The following ABCC4 variants were observed in gnomAD, a reference collection of about 807,000 sequenced individuals.
ABCC4 encodes ATP-binding cassette sub-family C member 4.
ABCC4 carries 102 observed loss-of-function variants against 168.5 expected under a neutral mutation model. The ratio of observed to expected loss-of-function variants is 0.61; its 90% CI spans 0.52 to 0.71. ABCC4 has a LOEUF of 0.71. Ranked by LOEUF, ABCC4 falls within the 30% of genes least tolerant of loss-of-function variation. The pLI, the probability that ABCC4 is intolerant of heterozygous loss-of-function variation, is 0.00. For missense variants in ABCC4, 1,402 were observed against 1,605.8 expected (o/e 0.87, Z 2.17); for synonymous variants, 617 against 590.7 (o/e 1.04, Z -0.65).
chr13:95,207,946 G>T, intron 6 of ABCC4, 21 bp from the exon 7 acceptor site: 1 of 1,609,896 alleles, frequency 6.2e-7, no homozygotes, highest in Non-Finnish European at 8.5e-7. Flanking sequence ...CCAGACACGG[G>T]AGATGAGCCT....
intron 25 of ABCC4, among the ~76,000 whole-genome samples, chr13:95,069,999 T>C (rs895367396): frequency 3.3e-4 from 51 of 152,252 alleles, no homozygotes; most frequent in African/African-American, 1.2e-3. Flanking sequence ...CAGGCATGAT[T>C]TGGGAGGTTA....
At chr13:95,223,886 T>G (rs1333708812) in intron 4 of ABCC4, among the ~76,000 whole-genome samples, 1 of 152,138 alleles carries the variant, frequency 6.6e-6, no homozygotes, top group Non-Finnish European at 1.5e-5. Context: ...AATCACTGGC[T>G]GGTCTTATCA....
intron 19 of ABCC4, among the ~76,000 whole-genome samples, chr13:95,155,908 A>G (rs1390685360): frequency 2.6e-5 from 4 of 152,118 alleles, no homozygotes; most frequent in Admixed American, 6.5e-5. Flanking sequence ...TCTCCAAAAC[A>G]AAGAGTGAAA....
At chr13:95,270,119 C>T (rs1001196472) in intron 1 of ABCC4, among the ~76,000 whole-genome samples, 9 of 151,992 alleles carry the variant, frequency 5.9e-5, no homozygotes, top group Admixed American at 3.9e-4. Context: ...AGCTCTTCAA[C>T]GTTGGGCATT....
chr13:95,294,961 T>TA (rs1473529851), intron 1 of ABCC4, among the ~76,000 whole-genome samples: 1 of 151,876 alleles, frequency 6.6e-6, no homozygotes, highest in East Asian at 1.9e-4. Flanking sequence ...TCTCAAAAAT[T>TA]AAAAAATTAA....
chr13:95,055,487 C>T (rs2033017991), intron 26 of ABCC4: 1 of 152,182 alleles, frequency 6.6e-6, no homozygotes, highest in Admixed American at 6.6e-5. Flanking sequence ...CAGATCAAAC[C>T]TGTTTTTCAT....
At position 95,071,716 on chromosome 13, in the gene ABCC4, T is replaced by C; in HGVS notation, c.3156A>G (p.Pro1052=). The change falls in exon 25 of 31, where the codon CCA becomes CCG. Residue 1052 remains proline (P), a synonymous_variant. Transcript: ENST00000645237. ...GATGCTTCAGTACCAGAGGCCCACC[T>C]GGACTGTACATGAAGTTCACATTGT... ...IFDNVNFMYS[P]GGPLVLKHLT... 6.3e-7 allele frequency: 1 copy of C among 1,583,344 alleles called. No individual in the cohort carries two copies. Among genetic ancestry groups the C allele is most frequent in the Admixed American group, 1.8e-5 (1 of 54,980 alleles).
chr13:95,095,204 T>C (rs976185166), intron 20 of ABCC4, among the ~76,000 whole-genome samples: 1 of 152,232 alleles, frequency 6.6e-6, no homozygotes, highest in Non-Finnish European at 1.5e-5. Flanking sequence ...CACATGTTTA[T>C]AGCAGCACGA....
At chr13:95,244,669 G>GAAATAAATAAATAAAT (rs751318994) in intron 3 of ABCC4, among the ~76,000 whole-genome samples, 1 of 68,008 alleles carries the variant, frequency 1.5e-5, no homozygotes, top group African/African-American at 7.6e-5. Context: ...AAGAAAGAAA[G>GAAATAAATAAATAAAT]AAATCATAGC....
At chr13:95,093,322 A>G (rs1248554887) in intron 20 of ABCC4, among the ~76,000 whole-genome samples, 10 of 152,288 alleles carry the variant, frequency 6.6e-5, no homozygotes, top group Non-Finnish European at 1.5e-5. Flanking sequence ...ATCCAACAAC[A>G]TATCAAAAAG....
intron 1 of ABCC4, among the ~76,000 whole-genome samples, chr13:95,248,334 G>A (rs574230872): frequency 2.6e-5 from 4 of 152,238 alleles, no homozygotes; most frequent in East Asian, 1.9e-4. Flanking sequence ...AGAATGATGA[G>A]GTTAGAAAAC....
intron 1 of ABCC4, among the ~76,000 whole-genome samples, chr13:95,251,667 G>A: frequency 6.6e-6 from 1 of 152,182 alleles, no homozygotes. Flanking sequence ...AGGTAAGCGA[G>A]AAGGCAGGTT....
At chr13:95,028,319 C>T (rs1566354352) in intron 30 of ABCC4, among the ~76,000 whole-genome samples, 2 of 152,114 alleles carry the variant, frequency 1.3e-5, no homozygotes, top group African/African-American at 4.8e-5. Flanking sequence ...ATACCTTAAA[C>T]AGATAACACC....
intron 26 of ABCC4, among the ~76,000 whole-genome samples, chr13:95,061,096 A>C (rs925107094): frequency 9.8e-5 from 15 of 152,292 alleles, no homozygotes; most frequent in African/African-American, 3.6e-4. Context: ...TTTAAAGCTG[A>C]ATAATTTCCC....
At chr13:95,245,959 G>A (rs370090660) in intron 3 of ABCC4, among the ~76,000 whole-genome samples, 3 of 139,294 alleles carry the variant, frequency 2.2e-5, no homozygotes, top group East Asian at 2.1e-4. Context: ...TGTAACAACA[G>A]CAACATCCAC....
At chr13:95,202,282 A>G (rs2038648436) in intron 8 of ABCC4, among the ~76,000 whole-genome samples, 1 of 152,216 alleles carries the variant, frequency 6.6e-6, no homozygotes, top group African/African-American at 2.4e-5. Flanking sequence ...TGCAGATTGC[A>G]GACTTACGTC....
chr13:95,297,065 G>A (rs2041552871), intron 1 of ABCC4, among the ~76,000 whole-genome samples: 1 of 151,840 alleles, frequency 6.6e-6, no homozygotes, highest in South Asian at 2.1e-4. Context: ...GAGGTCAGGA[G>A]TTCGAGACCA....
intron 19 of ABCC4, among the ~76,000 whole-genome samples, chr13:95,135,399 T>C (rs2036113809): frequency 1.3e-5 from 2 of 151,664 alleles, no homozygotes; most frequent in Non-Finnish European, 2.9e-5. Context: ...AGGTAAAATA[T>C]AATAATGTCC....
intron 26 of ABCC4, among the ~76,000 whole-genome samples, chr13:95,058,480 A>G (rs1348594999): frequency 1.3e-5 from 2 of 148,492 alleles, no homozygotes; most frequent in African/African-American, 5.0e-5. Context: ...GAGGCAGGAG[A>G]ATCGCTTGAA....
Sources: gnomAD v4.1 joint callset for allele counts (sites outside exome capture counted in the v4.1 genomes callset) on GRCh38, gnomAD v4.1.1 for gene constraint, MANE v1.5 for transcripts, NCBI Gene and HGNC (gene_info 2026-07-23, HGNC 2026-07-21) for gene names.